The following LARGE1 variants were observed in gnomAD, a reference collection of about 807,000 sequenced individuals.
LARGE1 encodes the protein xylosyl- and glucuronyltransferase LARGE1.
LARGE1 carries 43 observed loss-of-function variants against 87.6 expected under a neutral mutation model. That is an observed-to-expected ratio of 0.49 (90% CI 0.38 to 0.63). The LOEUF (loss-of-function observed/expected upper bound fraction) is 0.63, where lower values mean the gene tolerates loss of function less well. Ranked by LOEUF, LARGE1 falls within the 30% of genes least tolerant of loss-of-function variation. The probability of loss-of-function intolerance (pLI) is 0.00; values close to 1 mark genes in which losing one functional copy is unlikely to be tolerated. For missense variants in LARGE1, 802 were observed against 1,000.2 expected, an observed-to-expected ratio of 0.80 and a Z score of 2.67; for synonymous variants, 434 against 394.6, an observed-to-expected ratio of 1.10 and a Z score of -1.18.
intron 13 of LARGE1, among the ~76,000 whole-genome samples, chr22:33,279,400 T>C (rs1295133090): frequency 6.6e-6 from 1 of 152,190 alleles, no homozygotes; most frequent in Admixed American, 6.5e-5. Flanking sequence ...AGGCGCTAAG[T>C]GAGACTGAGT....
At chr22:33,324,227 T>A in intron 10 of LARGE1, among the ~76,000 whole-genome samples, 5 of 10,924 alleles carry the variant, frequency 4.6e-4, no homozygotes, top group East Asian at 3.6e-3. Flanking sequence ...AGACTCCATC[T>A]CAAAAAAAAA....
chr22:33,154,566 C>T, the LARGE1 span, among the ~76,000 whole-genome samples: 1,041 of 152,240 alleles, frequency 6.8e-3, 18 homozygotes, highest in African/African-American at 0.024. Flanking sequence ...CAGGCAGAAA[C>T]AACCTTATAT....
At chr22:33,532,992 G>A (rs931229866) in intron 6 of LARGE1, among the ~76,000 whole-genome samples, 2 of 152,096 alleles carry the variant, frequency 1.3e-5, no homozygotes, top group African/African-American at 4.8e-5. Context: ...TTGATTTCAT[G>A]GTCTTTCAGT....
intron 5 of LARGE1, among the ~76,000 whole-genome samples, chr22:33,591,959 G>C (rs984243075): frequency 2.7e-5 from 4 of 150,368 alleles, no homozygotes; most frequent in Non-Finnish European, 5.9e-5. Flanking sequence ...CCAGGTATTT[G>C]AGGCTGCAGT....
At chr22:33,070,725 G>C in the LARGE1 span, among the ~76,000 whole-genome samples, 2 of 152,188 alleles carry the variant, frequency 1.3e-5, no homozygotes, top group Admixed American at 6.6e-5. Flanking sequence ...GAGGCTTCTG[G>C]CGGAGGTGGT....
chr22:33,088,260 G>A, the LARGE1 span, among the ~76,000 whole-genome samples: 1 of 152,084 alleles, frequency 6.6e-6, no homozygotes, highest in Non-Finnish European at 1.5e-5. Context: ...ACCTTCTATG[G>A]TTGACGGCAG....
intron 7 of LARGE1, among the ~76,000 whole-genome samples, chr22:33,385,393 T>C (rs1348615968): frequency 6.8e-6 from 1 of 147,060 alleles, no homozygotes; most frequent in Non-Finnish European, 1.5e-5. Flanking sequence ...CTGGGTGTGG[T>C]GGTGCATGCC....
chr22:33,271,191 T>G (rs1027752409), downstream of LARGE1, among the ~76,000 whole-genome samples: 1 of 152,258 alleles, frequency 6.6e-6, no homozygotes, highest in African/African-American at 2.4e-5. Flanking sequence ...AGAATCTTCC[T>G]ACATAGGTTC....
intron 5 of LARGE1, among the ~76,000 whole-genome samples, chr22:33,573,566 C>G (rs189035016): frequency 1.1e-3 from 173 of 152,244 alleles, no homozygotes; most frequent in Admixed American, 2.4e-3. Flanking sequence ...GGGGCAGGTA[C>G]TGAGGAGGGC....
chr22:33,188,941 G>A (rs80223459), intron 11 of LARGE1, among the ~76,000 whole-genome samples: 3,584 of 152,260 alleles, frequency 0.024, 105 homozygotes, highest in African/African-American at 0.077. Flanking sequence ...CTATGTCAAG[G>A]TGGTCGCCAA....
intron 5 of LARGE1, among the ~76,000 whole-genome samples, chr22:33,599,427 A>G (rs1217424843): frequency 6.6e-6 from 1 of 152,124 alleles, no homozygotes; most frequent in Non-Finnish European, 1.5e-5. Flanking sequence ...GAGCAGAGGT[A>G]CCTTCAGTCC....
chr22:33,192,792 C>T lies in LARGE1; in HGVS notation c.1731-25960G>A, dbSNP rs556747360. Among the ~76,000 whole-genome samples the T allele has an allele frequency of 1.4e-4, 21 of 152,166 alleles. No individual in the cohort carries two copies. In the South Asian group the frequency reaches 2.1e-3, roughly 15 times the overall value. On this transcript the variant is annotated intron_variant, in intron 11 of 11. Coordinates refer to the LARGE1 transcript ENST00000608642. ...TCTCTGTTTTCTTCTAGTGGTTTTA[C>T]GGTTTCAGGTCTTACATTTAAGACC...
intron 6 of LARGE1, among the ~76,000 whole-genome samples, chr22:33,444,802 G>A (rs1052971088): frequency 5.9e-5 from 9 of 151,970 alleles, no homozygotes; most frequent in Non-Finnish European, 1.3e-4. Context: ...GGGCTGAGGC[G>A]GTCCCTTCCC....
intron 2 of LARGE1, among the ~76,000 whole-genome samples, chr22:33,684,099 C>G (rs777987258): frequency 2.6e-5 from 4 of 152,070 alleles, no homozygotes; most frequent in Non-Finnish European, 5.9e-5. Context: ...TAATAAGACA[C>G]GAGGCAAGAT....
chr22:33,640,525 G>A (rs540567445), intron 3 of LARGE1, among the ~76,000 whole-genome samples: 1 of 152,202 alleles, frequency 6.6e-6, no homozygotes, highest in African/African-American at 2.4e-5. Flanking sequence ...CAGACACCCA[G>A]CTAGCTGCAG....
chr22:33,431,889 T>G (rs909072781), intron 7 of LARGE1, among the ~76,000 whole-genome samples: 1 of 152,218 alleles, frequency 6.6e-6, no homozygotes, highest in Non-Finnish European at 1.5e-5. Context: ...TGGGTCATAC[T>G]GATAAAGATA....
In LARGE1 at chr22:33,799,382, TC is replaced by T. The variant is rs376253411; in HGVS notation, c.-82-37825del. On this transcript the variant is annotated intron_variant, in intron 1 of 14. Coordinates refer to ENST00000397394, the MANE Select transcript of LARGE1 (RefSeq NM_133642.5). ...AATCCATGTGGTGGGGACAAACAAA[TC>T]TACAACTAACTCCTTAACAAAAAGG... Among the ~76,000 whole-genome samples the T allele has an allele frequency of 2.4e-3, 358 of 152,190 alleles. 4 individuals are homozygous for T. Among genetic ancestry groups the T allele is most frequent in the African/African-American group, 8.1e-3 (336 of 41,536 alleles).
chr22:33,875,406 C>G (rs1278258129), intron 1 of LARGE1, among the ~76,000 whole-genome samples: 1 of 152,218 alleles, frequency 6.6e-6, no homozygotes, highest in African/African-American at 2.4e-5. Flanking sequence ...ACAGCCACCA[C>G]CTGTCCCTCT....
chr22:33,715,556 C>T (rs919602629), intron 2 of LARGE1, among the ~76,000 whole-genome samples: 13 of 152,210 alleles, frequency 8.5e-5, no homozygotes, highest in Non-Finnish European at 8.8e-5. Flanking sequence ...GTACTGTCTA[C>T]AGCAGTGGCT....
Sources: allele counts gnomAD v4.1 joint callset (sites outside exome capture counted in the v4.1 genomes callset), GRCh38; gene constraint gnomAD v4.1.1; transcripts MANE v1.5; gene names NCBI Gene and HGNC (gene_info 2026-07-23, HGNC 2026-07-21).